Variants in CPNE4 observed in about 807,000 individuals in gnomAD.
The protein encoded by CPNE4 is copine-4.
Under a neutral mutation model 67.9 loss-of-function variants are expected in CPNE4, and 25 were observed. That is an observed-to-expected ratio of 0.37 (90% confidence interval 0.27 to 0.51). CPNE4 has a LOEUF of 0.51. Ranked by LOEUF, CPNE4 falls within the 20% of genes least tolerant of loss-of-function variation. The pLI, the probability that CPNE4 is intolerant of heterozygous loss-of-function variation, is 0.93. For synonymous variants in CPNE4, 242 were observed against 244.9 expected (o/e 0.99, Z 0.11); for missense variants, 464 against 690.8 (o/e 0.67, Z 3.68).
chr3:131,718,517 C>A (rs568558281), intron 3 of CPNE4, among the ~76,000 whole-genome samples: 1 of 152,256 alleles, frequency 6.6e-6, no homozygotes, highest in East Asian at 1.9e-4. Context: ...TGTGTCTTTG[C>A]GTGTACCAGT....
intron 6 of CPNE4, among the ~76,000 whole-genome samples, chr3:131,683,194 C>T (rs1030294461): frequency 2.6e-5 from 4 of 152,162 alleles, no homozygotes; most frequent in African/African-American, 9.7e-5. Context: ...CTGTCCTTTG[C>T]TCAAGCAGAA....
At chr3:131,803,016 T>A (rs1313702139) in intron 2 of CPNE4, among the ~76,000 whole-genome samples, 1 of 152,112 alleles carries the variant, frequency 6.6e-6, no homozygotes, top group Non-Finnish European at 1.5e-5. Flanking sequence ...TTAAGGTTAG[T>A]TTGTTGGAGG....
intron 2 of CPNE4, among the ~76,000 whole-genome samples, chr3:131,770,163 T>C (rs1012290746): frequency 6.6e-5 from 10 of 152,184 alleles, no homozygotes; most frequent in African/African-American, 2.4e-4. Flanking sequence ...CACAAGCAAT[T>C]GTTGACTTTC....
At chr3:131,655,866 T>G (rs927761537) in intron 7 of CPNE4, among the ~76,000 whole-genome samples, 14 of 152,182 alleles carry the variant, frequency 9.2e-5, no homozygotes, top group African/African-American at 3.4e-4. Flanking sequence ...GACTTAATCC[T>G]TGCTATTCTA....
chr3:132,024,142 A>G (rs2074065655), intron 1 of CPNE4, among the ~76,000 whole-genome samples: 1 of 147,248 alleles, frequency 6.8e-6, no homozygotes, highest in Non-Finnish European at 1.5e-5. Flanking sequence ...AGAGTGCTGC[A>G]GCGCAATCTT....
At chr3:131,913,563 G>A (rs956258412) in intron 1 of CPNE4, among the ~76,000 whole-genome samples, 8 of 152,166 alleles carry the variant, frequency 5.3e-5, no homozygotes, top group African/African-American at 1.7e-4. Context: ...AAGTCAAAAG[G>A]TCAAACTGTG....
At chr3:131,793,981 A>G (rs1159720257) in intron 2 of CPNE4, among the ~76,000 whole-genome samples, 1 of 152,216 alleles carries the variant, frequency 6.6e-6, no homozygotes, top group Non-Finnish European at 1.5e-5. Flanking sequence ...TTATCAAGTT[A>G]GCTTTTTAAC....
intron 7 of CPNE4, among the ~76,000 whole-genome samples, chr3:131,659,725 G>A (rs2080076632): frequency 6.6e-6 from 1 of 152,190 alleles, no homozygotes; most frequent in African/African-American, 2.4e-5. Context: ...GGCAAGGAAG[G>A]ACTGTACCCT....
intron 4 of CPNE4, among the ~76,000 whole-genome samples, chr3:131,696,851 G>C (rs1006687230): frequency 1.3e-5 from 2 of 152,174 alleles, no homozygotes; most frequent in Non-Finnish European, 2.9e-5. Context: ...GAGAACATAA[G>C]AGATGGGACC....
At chr3:131,762,767 C>T (rs971844406) in intron 2 of CPNE4, among the ~76,000 whole-genome samples, 2 of 152,006 alleles carry the variant, frequency 1.3e-5, no homozygotes, top group African/African-American at 4.8e-5. Flanking sequence ...AATATCATTA[C>T]TTTTACAGAT....
At chr3:131,557,954 CT>C (rs973269742) in intron 11 of CPNE4, among the ~76,000 whole-genome samples, 1 of 151,892 alleles carries the variant, frequency 6.6e-6, no homozygotes, top group Non-Finnish European at 1.5e-5. Context: ...CCCTTATTTT[CT>C]TTTTTTGATG....
intron 2 of CPNE4, among the ~76,000 whole-genome samples, chr3:131,879,309 TGTAA>T (rs1430581763): frequency 1.1e-4 from 17 of 152,328 alleles, no homozygotes; most frequent in African/African-American, 3.4e-4. Context: ...ATGCAACTAA[TGTAA>T]GTGTGTTTCC....
At chr3:131,573,876 T>C (rs1937457914) in intron 10 of CPNE4, among the ~76,000 whole-genome samples, 1 of 152,014 alleles carries the variant, frequency 6.6e-6, no homozygotes. Flanking sequence ...GAGACCAAAC[T>C]CTAAAATTTG....
At chr3:131,687,732 T>C (rs1021196321) in intron 5 of CPNE4, among the ~76,000 whole-genome samples, 23 of 152,206 alleles carry the variant, frequency 1.5e-4, no homozygotes, top group African/African-American at 5.5e-4. Context: ...TTGTGCTTGA[T>C]GTTAAGATAT....
intron 6 of CPNE4, among the ~76,000 whole-genome samples, chr3:131,675,019 A>C (rs759840786): frequency 1.3e-4 from 20 of 151,702 alleles, no homozygotes; most frequent in Non-Finnish European, 2.4e-4. Flanking sequence ...TTTCATATTC[A>C]TTTGTTTTAA....
chr3:131,564,386 G>C, intron 10 of CPNE4, 37 bp from the exon 11 acceptor site: 1 of 1,590,530 alleles, frequency 6.3e-7, no homozygotes, highest in African/African-American at 1.3e-5. Context: ...TAAATTTAAA[G>C]TGGATGCATC....
At chr3:131,973,921 C>G (rs1463073337) in intron 1 of CPNE4, among the ~76,000 whole-genome samples, 2 of 152,196 alleles carry the variant, frequency 1.3e-5, no homozygotes, top group African/African-American at 4.8e-5. Flanking sequence ...GATTGTCAAG[C>G]CACAAAGTCT....
intron 3 of CPNE4, among the ~76,000 whole-genome samples, chr3:131,715,710 C>T (rs1280414591): frequency 6.6e-6 from 1 of 152,112 alleles, no homozygotes; most frequent in Non-Finnish European, 1.5e-5. Context: ...TGACTCAGTT[C>T]CACTGTCTTT....
At chr3:131,655,683 A>T (rs981521746) in intron 7 of CPNE4, among the ~76,000 whole-genome samples, 1 of 152,174 alleles carries the variant, frequency 6.6e-6, no homozygotes, top group Non-Finnish European at 1.5e-5. Context: ...AGTAGGTTGT[A>T]GAAAAAGTTC....
Sources: gnomAD v4.1 joint callset for allele counts (sites outside exome capture counted in the v4.1 genomes callset) on GRCh38, gnomAD v4.1.1 for gene constraint, MANE v1.5 for transcripts, NCBI Gene and HGNC (gene_info 2026-07-23, HGNC 2026-07-21) for gene names.